The following RAI14 variants were observed in gnomAD, a reference collection of about 807,000 sequenced individuals.
RAI14 encodes the protein retinoic acid induced 14.
Under a neutral mutation model 115.4 loss-of-function variants are expected in RAI14, and 45 were observed. That is an observed-to-expected ratio of 0.39 (90% confidence interval 0.31 to 0.50). The LOEUF (loss-of-function observed/expected upper bound fraction) is 0.50. Among genes scored for constraint, RAI14 ranks in the 20% least tolerant of loss-of-function variants. The pLI is 0.85. For synonymous variants in RAI14, 371 were observed against 415.4 expected (o/e 0.89, Z 1.30); for missense variants, 939 against 1,131.2 (o/e 0.83, Z 2.44).
intron 2 of RAI14, among the ~76,000 whole-genome samples, chr5:34,715,486 C>G (rs2149977734): frequency 6.6e-6 from 1 of 152,206 alleles, no homozygotes; most frequent in East Asian, 1.9e-4. Flanking sequence ...GAAACTCCTG[C>G]CTGGAATTTT....
intron 2 of RAI14, among the ~76,000 whole-genome samples, chr5:34,697,449 GA>G (rs113110556): frequency 1.1e-3 from 139 of 127,654 alleles, no homozygotes; most frequent in South Asian, 5.5e-3. Context: ...AAAAAAAAAA[GA>G]AAAAAAAAAA....
chr5:34,685,306 G>A (rs1579901655), intron 1 of RAI14, among the ~76,000 whole-genome samples: 1 of 152,114 alleles, frequency 6.6e-6, no homozygotes, highest in South Asian at 2.1e-4. Context: ...ACTGTATAGG[G>A]CATTGCTGGA....
chr5:34,686,919 C>T lies in RAI14; in HGVS notation c.-1C>T. On this transcript the variant is annotated 5_prime_UTR_variant, in exon 2 of 18. Transcript: ENST00000265109. ...GCTTTGGAAGGCTGAATGCACTAAA[C>T]ATGAAGAGCTTGAAAGCGAAGTTCA... is the stretch of plus-strand genomic sequence containing the variant. The T allele has an allele frequency of 4.3e-6, 7 of 1,613,672 alleles. No individual in the cohort carries two copies. Among genetic ancestry groups the T allele is most frequent in the Non-Finnish European group, 5.9e-6 (7 of 1,179,786 alleles).
At chr5:34,725,467 G>A (rs527836387) in intron 2 of RAI14, among the ~76,000 whole-genome samples, 67 of 152,112 alleles carry the variant, frequency 4.4e-4, no homozygotes, top group African/African-American at 1.5e-3. Context: ...TTGTGTAGTG[G>A]ATAGTCAAGA....
intron 2 of RAI14, among the ~76,000 whole-genome samples, chr5:34,746,673 T>C (rs1746269078): frequency 3.3e-5 from 5 of 152,236 alleles, no homozygotes; most frequent in African/African-American, 7.2e-5. Flanking sequence ...CCAATCCTTA[T>C]ACCTTTCATG....
chr5:34,723,962 AG>A (rs1743132238), intron 2 of RAI14, among the ~76,000 whole-genome samples: 1 of 152,130 alleles, frequency 6.6e-6, no homozygotes, highest in East Asian at 1.9e-4. Context: ...TTTTGCCTTA[AG>A]TATTATTATT....
intron 7 of RAI14, among the ~76,000 whole-genome samples, 190 bp from the exon 8 acceptor site, chr5:34,810,822 T>G (rs922064303): frequency 2.6e-5 from 4 of 151,950 alleles, no homozygotes; most frequent in African/African-American, 9.7e-5. Flanking sequence ...TCAGTAAAAT[T>G]CCATAACAAG....
chr5:34,807,884 C>T (rs780550332), intron 6 of RAI14, 27 bp downstream of exon 6: 2 of 1,580,190 alleles, frequency 1.3e-6, no homozygotes, highest in Admixed American at 3.3e-5. Flanking sequence ...TATTTGTCTT[C>T]TTCTGCCATT....
At chr5:34,768,128 G>A (rs944935499) in intron 3 of RAI14, among the ~76,000 whole-genome samples, 1 of 151,854 alleles carries the variant, frequency 6.6e-6, no homozygotes, top group Admixed American at 6.6e-5. Flanking sequence ...AGCCACAGGG[G>A]CGGAGCTGCA....
At chr5:34,680,037 A>C (rs1454871012) in intron 1 of RAI14, among the ~76,000 whole-genome samples, 1 of 152,206 alleles carries the variant, frequency 6.6e-6, no homozygotes, top group African/African-American at 2.4e-5. Flanking sequence ...GCTCAAGTTC[A>C]GGCAAAATGA....
chr5:34,667,192 T>C (rs1289303093), intron 1 of RAI14: 1 of 152,188 alleles, frequency 6.6e-6, no homozygotes, highest in Non-Finnish European at 1.5e-5. Context: ...CTAATTATAA[T>C]TGTTATTTGG....
At chr5:34,795,214 A>C (rs1348159230) in intron 3 of RAI14, among the ~76,000 whole-genome samples, 1 of 152,176 alleles carries the variant, frequency 6.6e-6, no homozygotes, top group Non-Finnish European at 1.5e-5. Flanking sequence ...AAACATGCTG[A>C]TCATGGTTTG....
chr5:34,701,814 C>T (rs1270255231), intron 2 of RAI14, among the ~76,000 whole-genome samples: 4 of 144,228 alleles, frequency 2.8e-5, no homozygotes, highest in African/African-American at 1.0e-4. Flanking sequence ...TTGACTCTCC[C>T]TTTTTTTTTT....
chr5:34,697,441 A>C (rs1275455366), intron 2 of RAI14, among the ~76,000 whole-genome samples: 1 of 151,318 alleles, frequency 6.6e-6, no homozygotes, highest in East Asian at 1.9e-4. Flanking sequence ...TGTCTCAAAA[A>C]AAAAAAAGAA....
intron 3 of RAI14, among the ~76,000 whole-genome samples, chr5:34,783,636 A>G (rs1301270790): frequency 1.3e-5 from 2 of 152,172 alleles, no homozygotes; most frequent in Non-Finnish European, 2.9e-5. Flanking sequence ...TAAGTCAATA[A>G]TACGAGATTC....
At chr5:34,742,196 C>T (rs901994895) in intron 2 of RAI14, among the ~76,000 whole-genome samples, 11 of 152,108 alleles carry the variant, frequency 7.2e-5, no homozygotes, top group African/African-American at 2.7e-4. Flanking sequence ...GCTTATGACT[C>T]GGGGCTCAGC....
intron 2 of RAI14, among the ~76,000 whole-genome samples, chr5:34,755,397 A>T (rs72730572): frequency 0.083 from 12,686 of 152,250 alleles, 687 homozygotes; most frequent in Non-Finnish European, 0.12. Context: ...GGAGAGCTGC[A>T]CTGGTCTACA....
intron 3 of RAI14, among the ~76,000 whole-genome samples, chr5:34,766,866 C>G (rs1749450280): frequency 6.6e-6 from 1 of 152,124 alleles, no homozygotes; most frequent in African/African-American, 2.4e-5. Flanking sequence ...TGGGGGTACC[C>G]AGTGGGAGAT....
chr5:34,830,916 CCAGGAG>C lies in RAI14; in HGVS notation c.*152_*157del. 7.1e-7 allele frequency: 1 copy of C among 1,403,812 alleles called. No individual in the cohort carries two copies. The highest frequency in any genetic ancestry group is 9.4e-7 in the Non-Finnish European group (1 of 1,061,804). 87.0% of individuals were successfully genotyped at this position (1,403,812 alleles called of 1,614,324 possible). On this transcript the variant is annotated 3_prime_UTR_variant, in exon 18 of 18. Coordinates refer to ENST00000265109, the MANE Select transcript of RAI14 (RefSeq NM_015577.3). ...TTCCAAAGGTTTCTGAGGACTTCTC[CCAGGAG>C]AAGACTGCCCGCCTCAGAACTGCTT...
Sources: allele counts gnomAD v4.1 joint callset (sites outside exome capture counted in the v4.1 genomes callset), GRCh38; gene constraint gnomAD v4.1.1; transcripts MANE v1.5; gene names NCBI Gene and HGNC (gene_info 2026-07-23, HGNC 2026-07-21).